SIK3: variants seen among roughly 807,000 people sequenced by gnomAD.
SIK3 encodes the protein SIK family kinase 3.
In SIK3, 28 loss-of-function variants were observed where a neutral mutation model predicts 144.2. The ratio of observed to expected loss-of-function variants is 0.19; its 90% CI spans 0.14 to 0.27. The LOEUF is 0.27. SIK3 is among the 10% of genes least tolerant of loss of function. The pLI is 1.00. For missense variants in SIK3, 1,319 were observed against 1,776.0 expected (o/e 0.74, Z 4.62); for synonymous variants, 686 against 676.3 (o/e 1.01, Z -0.22).
At chr11:116,938,226 AGG>A (rs1948031680) in intron 3 of SIK3, among the ~76,000 whole-genome samples, 2 of 6,946 alleles carry the variant, frequency 2.9e-4, no homozygotes, top group African/African-American at 8.5e-4. Context: ...AGGGGAGGGG[AGG>A]GGAGGGGAGG....
chr11:116,972,579 TTAAAC>T (rs1471371032), intron 1 of SIK3, among the ~76,000 whole-genome samples: 1 of 152,156 alleles, frequency 6.6e-6, no homozygotes, highest in East Asian at 1.9e-4. Context: ...CTCTATTGGG[TTAAAC>T]TAACATTTGG....
intron 1 of SIK3, among the ~76,000 whole-genome samples, chr11:117,047,392 T>C (rs994974305): frequency 1.8e-4 from 28 of 152,224 alleles, no homozygotes. Flanking sequence ...GTGAAAGGTA[T>C]GGCTGTCTTC....
At chr11:117,013,968 T>C (rs374772197) in intron 1 of SIK3, among the ~76,000 whole-genome samples, 1,768 of 49,168 alleles carry the variant, frequency 0.036, 325 homozygotes, top group Non-Finnish European at 0.053. Flanking sequence ...TCTTTTTTTC[T>C]TTTCTTTTTT....
At chr11:116,906,273 G>A (rs1014221373) in intron 4 of SIK3, among the ~76,000 whole-genome samples, 3 of 152,166 alleles carry the variant, frequency 2.0e-5, no homozygotes, top group African/African-American at 7.2e-5. Context: ...GAAAAAGAAG[G>A]AGAAGTAGAG....
At chr11:116,989,010 G>C (rs1325982484) in intron 1 of SIK3, among the ~76,000 whole-genome samples, 1 of 151,816 alleles carries the variant, frequency 6.6e-6, no homozygotes, top group Non-Finnish European at 1.5e-5. Flanking sequence ...ACTCTAGTCT[G>C]TCTCCCAAAT....
intron 1 of SIK3, among the ~76,000 whole-genome samples, chr11:116,985,228 A>G (rs1026466361): frequency 6.6e-6 from 1 of 152,200 alleles, no homozygotes; most frequent in Non-Finnish European, 1.5e-5. Context: ...TCAAACCTAG[A>G]AGAGGGAACT....
chr11:116,917,796 A>G (rs138341305), intron 4 of SIK3, among the ~76,000 whole-genome samples: 219 of 126,598 alleles, frequency 1.7e-3, no homozygotes, highest in Admixed American at 3.0e-3. Context: ...AAAGGAGAGG[A>G]CAAGAGAGGA....
chr11:117,044,640 G>T (rs1952879854), intron 1 of SIK3, among the ~76,000 whole-genome samples: 1 of 151,360 alleles, frequency 6.6e-6, no homozygotes, highest in South Asian at 2.1e-4. Flanking sequence ...TTAAAAACTT[G>T]AGGGCCCAGT....
chr11:116,916,508 T>TC (rs1946638553), intron 4 of SIK3, among the ~76,000 whole-genome samples: 1 of 146,110 alleles, frequency 6.8e-6, no homozygotes, highest in Non-Finnish European at 1.5e-5. Flanking sequence ...TAATATCACA[T>TC]CAAATTTTTT....
At chr11:116,964,437 G>C (rs1949451987) in intron 1 of SIK3, among the ~76,000 whole-genome samples, 1 of 152,166 alleles carries the variant, frequency 6.6e-6, no homozygotes, top group Non-Finnish European at 1.5e-5. Context: ...AACTGTTTCT[G>C]GGAAAATATG....
chr11:116,956,854 A>C (rs1949157911), intron 2 of SIK3, 94 bp downstream of exon 2: 1 of 690,170 alleles, frequency 1.4e-6, no homozygotes, highest in Admixed American at 3.0e-5. Context: ...AAAAAAAGTC[A>C]CAGATGTTCA....
chr11:116,950,905 C>T (rs1257502000), intron 3 of SIK3, among the ~76,000 whole-genome samples: 1 of 152,178 alleles, frequency 6.6e-6, no homozygotes, highest in African/African-American at 2.4e-5. Flanking sequence ...ACTCTTAGGA[C>T]GATTTCCAGA....
At chr11:117,091,397 G>T (rs1214959646) in intron 1 of SIK3, among the ~76,000 whole-genome samples, 3 of 151,716 alleles carry the variant, frequency 2.0e-5, no homozygotes, top group Admixed American at 1.3e-4. Flanking sequence ...GTAAAAACAG[G>T]GTTTCGCCAT....
rs866003321 is a variant in SIK3, at chr11:116,849,644, G to A, written c.3656-361C>T. 1.3e-5 allele frequency among the ~76,000 whole-genome samples: 2 copies of A among 152,290 alleles called. No individual in the cohort carries two copies. Among genetic ancestry groups the A allele is most frequent in the Middle Eastern group, 3.4e-3 (1 of 294 alleles). ...TCAGGACCCTCTAGCCCTAGAGGAT[G>A]CATCTGTTCTGTGGCTGGCTGCGTC... is the stretch of plus-strand genomic sequence containing the variant. On this transcript the variant is annotated intron_variant, in intron 21 of 24. Coordinates refer to ENST00000445177, the MANE Select transcript of SIK3 (RefSeq NM_001366686.3). This position sits in a 1 kb window ranked among gnomAD's most constrained non-coding sequence, Gnocchi z 4.2.
intron 1 of SIK3, among the ~76,000 whole-genome samples, chr11:117,058,980 G>A (rs1591629597): frequency 6.6e-6 from 1 of 152,174 alleles, no homozygotes; most frequent in Non-Finnish European, 1.5e-5. Context: ...CATCCATATG[G>A]GATAAAGTGA....
In SIK3 at chr11:116,932,012, C is replaced by T. The variant is rs542266649; in HGVS notation, c.455-4632G>A. ...GTTACTATCTCTTTTCTTTGCTCCT[C>T]CATTGACCAGGCCAAAAACTTTTAT... On this transcript the variant is annotated intron_variant, in intron 3 of 24. Transcript: ENST00000445177. 1.4e-3 allele frequency among the ~76,000 whole-genome samples: 220 copies of T among 152,340 alleles called. 3 individuals are homozygous for T. The highest frequency in any genetic ancestry group is 3.4e-3 in the Middle Eastern group (1 of 294).
chr11:116,895,097 C>T (rs1349466709), intron 6 of SIK3, among the ~76,000 whole-genome samples: 84 of 152,188 alleles, frequency 5.5e-4, no homozygotes, highest in Non-Finnish European at 1.5e-5. Flanking sequence ...AAAGTCTTTA[C>T]ATTAACTAGG....
At chr11:116,896,121 T>C (rs1945383117) in intron 6 of SIK3, 132 bp downstream of exon 6, 1 of 1,262,212 alleles carries the variant, frequency 7.9e-7, no homozygotes, top group Non-Finnish European at 1.1e-6. Flanking sequence ...CCTGGAGGCA[T>C]CAGGTCAGCA....
At chr11:116,927,417 G>T (rs752512684) in intron 3 of SIK3, 37 bp from the exon 4 acceptor site, 12 of 1,599,666 alleles carry the variant, frequency 7.5e-6, no homozygotes, top group Non-Finnish European at 8.5e-7. Context: ...TTTCATTTTG[G>T]ACACTTGTGT....
Sources: allele counts gnomAD v4.1 joint callset (sites outside exome capture counted in the v4.1 genomes callset), GRCh38; gene constraint gnomAD v4.1.1; non-coding constraint Gnocchi (gnomAD v3.1); transcripts MANE v1.5; gene names NCBI Gene and HGNC (gene_info 2026-07-23, HGNC 2026-07-21).